RECQL5: variants seen among roughly 807,000 people sequenced by gnomAD.
RECQL5 encodes ATP-dependent DNA helicase Q5.
In RECQL5, 88 loss-of-function variants were observed where a neutral mutation model predicts 103.4. The ratio of observed to expected loss-of-function variants is 0.85; its 90% CI spans 0.72 to 1.02. RECQL5 has a LOEUF of 1.02. Among genes scored for constraint, RECQL5 ranks in the 50% least tolerant of loss-of-function variants. RECQL5 has a pLI of 0.00. For missense variants in RECQL5, 1,232 were observed against 1,284.3 expected, an observed-to-expected ratio of 0.96 and a Z score of 0.62; for synonymous variants, 552 against 507.9, an observed-to-expected ratio of 1.09 and a Z score of -1.17.
At chr17:75,657,845 C>G (rs377368170) in intron 7 of RECQL5, among the ~76,000 whole-genome samples, 1 of 151,008 alleles carries the variant, frequency 6.6e-6, no homozygotes, top group African/African-American at 2.4e-5. Flanking sequence ...GTCATGAGAT[C>G]GAGACCATCC....
Position 75,630,750 on chromosome 17 carries a change from G to T in RECQL5, c.1644+29C>A, listed in dbSNP as rs769188852. On this transcript the variant is annotated intron_variant, in intron 12 of 19. Coordinates refer to ENST00000317905, the MANE Select transcript of RECQL5 (RefSeq NM_004259.7). Reference sequence around the variant, plus strand: ...CTCGCGGCTGGGGGAGGGCCCCGGCGGGTGGCTGAGGAGCTGCCCGTCTCT... The same window carrying T: ...CTCGCGGCTGGGGGAGGGCCCCGGCTGGTGGCTGAGGAGCTGCCCGTCTCT... 7.6e-6 allele frequency: 12 copies of T among 1,589,352 alleles called. No homozygotes were observed. In the African/African-American group the frequency reaches 1.3e-4, roughly 18 times the overall value.
intron 15 of RECQL5, 79 bp from the exon 16 acceptor site, chr17:75,629,554 A>C: frequency 6.7e-7 from 1 of 1,497,022 alleles, no homozygotes; most frequent in Non-Finnish European, 8.9e-7. Flanking sequence ...GCAGTAACTC[A>C]CATTGGGACG....
At chr17:75,633,755 T>A in intron 8 of RECQL5, 1 of 1,036,116 alleles carries the variant, frequency 9.7e-7, no homozygotes, top group Non-Finnish European at 1.2e-6. Context: ...AGGACTCCCC[T>A]CCACAGGCTC....
intron 7 of RECQL5, among the ~76,000 whole-genome samples, 168 bp from the exon 8 acceptor site, chr17:75,651,433 C>T (rs752289348): frequency 7.2e-5 from 11 of 152,048 alleles, no homozygotes; most frequent in Non-Finnish European, 1.2e-4. Context: ...ACCAGCCTGA[C>T]CTACATGGTG....
rs780146368 is a variant in RECQL5 at position 75,662,790 on chromosome 17, A to G, written c.460T>C (p.Leu154=). ...SLVSRHLLSY[L]VVDEAHCVSQ... ...ACACAATGAGCTTCATCCACCACCA[A>G]GTAAGACAGCAGGTGGCGGGACACC... The change falls in exon 4 of 20, where the codon TTG becomes CTG. Residue 154 remains leucine (L), a synonymous_variant. Transcript: ENST00000317905. 1.2e-6 allele frequency: 2 copies of G among 1,614,138 alleles called. No homozygotes were observed. The highest frequency in any genetic ancestry group is 1.1e-5 in the South Asian group (1 of 91,080).
rs746601130 is a variant in RECQL5, at chr17:75,666,582, G to C, written c.-14-11C>G. On this transcript the variant is annotated splice_polypyrimidine_tract_variant and intron_variant, in intron 1 of 19. Coordinates refer to ENST00000317905, the MANE Select transcript of RECQL5 (RefSeq NM_004259.7). ...TCTTAGCCAAGAACAGTGGCCAAAG[G>C]TTAAGGCAAAGGTAGTAAAAGGTTG... 2 of 1,612,294 alleles carry C rather than the reference G, an allele frequency of 1.2e-6. No individual in the cohort carries two copies. The highest frequency in any genetic ancestry group is 2.2e-5 in the South Asian group (2 of 90,842).
At chr17:75,652,602 G>C (rs2059569096) in intron 7 of RECQL5, 1 of 152,806 alleles carries the variant, frequency 6.5e-6, no homozygotes, top group Admixed American at 6.5e-5. Flanking sequence ...AGCGGGCTGA[G>C]CTGGGCTGGT....
At chr17:75,642,069 G>C (rs1599022441) in intron 8 of RECQL5, among the ~76,000 whole-genome samples, 2 of 152,178 alleles carry the variant, frequency 1.3e-5, no homozygotes, top group African/African-American at 4.8e-5. Flanking sequence ...ACCAACCAGG[G>C]CAACAGGGAC....
intron 7 of RECQL5, among the ~76,000 whole-genome samples, chr17:75,654,180 G>A (rs1181284402): frequency 2.0e-5 from 3 of 152,158 alleles, no homozygotes; most frequent in Non-Finnish European, 1.5e-5. Flanking sequence ...CCTTTCTTGT[G>A]TAACTGTGTT....
chr17:75,629,918 A>C (rs1020264048), intron 14 of RECQL5, 76 bp from the exon 15 acceptor site: 21 of 1,509,206 alleles, frequency 1.4e-5, no homozygotes, highest in Non-Finnish European at 1.9e-5. Context: ...CTCCTTTTCT[A>C]CTAGGCACTA....
intron 4 of RECQL5, 116 bp from the exon 5 acceptor site, chr17:75,661,824 T>C: frequency 1.4e-6 from 1 of 708,780 alleles, no homozygotes; most frequent in Non-Finnish European, 2.4e-6. Context: ...GGCTTCAGTC[T>C]CTTCTGAGGC....
At position 75,640,541 on chromosome 17, in the gene RECQL5, C is replaced by T. The variant is rs1259208413; in HGVS notation, c.1230-8873G>A. Among the ~76,000 whole-genome samples, 5 of 152,114 alleles carry T rather than the reference C, an allele frequency of 3.3e-5. No individual in the cohort carries two copies. The highest frequency in any genetic ancestry group is 1.5e-5 in the Non-Finnish European group (1 of 68,012). On this transcript the variant is annotated intron_variant, in intron 8 of 19. Transcript: ENST00000317905. The surrounding 1 kb of genome is among the most constrained non-coding windows in gnomAD (Gnocchi z 4.6). ...GCTGGGGACTGGGCCCAGCAGTACC[C>T]CGGGATCCCAAACGCGGGGATGACG... is the stretch of plus-strand genomic sequence containing the variant.
At position 75,640,512 on chromosome 17, in the gene RECQL5, C is replaced by T. The variant is rs959069284; in HGVS notation, c.1230-8844G>A. On this transcript the variant is annotated intron_variant, in intron 8 of 19. Transcript: ENST00000317905. This position sits in a 1 kb window ranked among gnomAD's most constrained non-coding sequence, Gnocchi z 4.6. Reference sequence around the variant, plus strand: ...TCTGATATGCTGCTTGGGTGATGGGCGGTGCTGGGGACTGGGCCCAGCAGT... The same window carrying T: ...TCTGATATGCTGCTTGGGTGATGGGTGGTGCTGGGGACTGGGCCCAGCAGT... Among the ~76,000 whole-genome samples the T allele has an allele frequency of 7.2e-5, 11 of 152,076 alleles. No homozygotes were observed. Among genetic ancestry groups the T allele is most frequent in the African/African-American group, 2.7e-4 (11 of 41,414 alleles).
At chr17:75,632,520 C>T (rs2059237625) in intron 8 of RECQL5, among the ~76,000 whole-genome samples, 1 of 152,254 alleles carries the variant, frequency 6.6e-6, no homozygotes, top group African/African-American at 2.4e-5. Flanking sequence ...GAGGGTGTCA[C>T]AGGTGGGGCC....
chr17:75,650,928 C>A lies in RECQL5; in HGVS notation c.1229+258G>T. 9 of 1,444,092 alleles carry A rather than the reference C, an allele frequency of 6.2e-6. No individual in the cohort carries two copies. In the South Asian group the frequency reaches 1.2e-4, roughly 19 times the overall value. The allele number at this position is 1,444,092 out of a possible 1,614,324, so 89.5% of individuals were successfully genotyped here. On this transcript the variant is annotated intron_variant, in intron 8 of 19. Transcript: ENST00000317905. ...GAACTGAGTGGCTTGTGGGGCCAGC[C>A]ATCCCAGAAGAGGGTGGAGTGGAGG...
intron 7 of RECQL5, among the ~76,000 whole-genome samples, chr17:75,656,421 A>G (rs960421294): frequency 1.5e-4 from 23 of 152,146 alleles, no homozygotes; most frequent in African/African-American, 5.6e-4. Context: ...ACAGCTTGTA[A>G]CACTTATTCC....
At position 75,631,455 on chromosome 17, in the gene RECQL5, G is replaced by A. The variant is rs1158404378; in HGVS notation, c.1443C>T (p.Phe481=). The A allele has an allele frequency of 6.2e-7, 1 of 1,606,992 alleles. No homozygotes were observed. The highest frequency in any genetic ancestry group is 8.5e-7 in the Non-Finnish European group (1 of 1,174,924). The change falls in exon 9 of 20, where the codon TTC becomes TTT. Residue 481 remains phenylalanine (F), a synonymous_variant. Transcript: ENST00000317905. ...YEGGRKGYGD[F]SRYDEGSGGS... is the part of the protein sequence containing the mutation. ...CTGGCTTCTCGGCCCCTTACCTGCT[G>A]AAGTCCCCGTAGCCCTTGCGGCCTC...
chr17:75,653,005 G>C (rs143600467), intron 7 of RECQL5, among the ~76,000 whole-genome samples: 264 of 152,292 alleles, frequency 1.7e-3, no homozygotes, highest in African/African-American at 6.0e-3. Flanking sequence ...GGAAACCCAA[G>C]GCATGACTGC....
intron 3 of RECQL5, among the ~76,000 whole-genome samples, chr17:75,663,376 G>A (rs759074755): frequency 5.9e-5 from 9 of 151,516 alleles, no homozygotes; most frequent in South Asian, 4.1e-4. Context: ...AGAACTTAAA[G>A]TATAATAAAA....
Sources: allele counts gnomAD v4.1 joint callset (sites outside exome capture counted in the v4.1 genomes callset), GRCh38; gene constraint gnomAD v4.1.1; non-coding constraint Gnocchi (gnomAD v3.1); transcripts MANE v1.5; gene names NCBI Gene and HGNC (gene_info 2026-07-23, HGNC 2026-07-21).